The following MALT1 variants were observed in gnomAD, a reference collection of about 807,000 sequenced individuals.
MALT1 encodes the protein MALT1 paracaspase, also known as mucosa-associated lymphoid tissue lymphoma translocation protein 1.
In MALT1, 36 loss-of-function variants were observed where a neutral mutation model predicts 85.5. The ratio of observed to expected loss-of-function variants is 0.42; its 90% CI spans 0.32 to 0.56. MALT1 has a LOEUF of 0.56. Ranked by LOEUF, MALT1 falls within the 20% of genes least tolerant of loss-of-function variation. The pLI is 0.10. For synonymous variants in MALT1, 359 were observed against 361.3 expected (o/e 0.99, Z 0.07); for missense variants, 716 against 981.6 (o/e 0.73, Z 3.62).
intron 3 of MALT1, chr18:58,697,306 T>A (rs1007009193): frequency 1.3e-5 from 2 of 152,238 alleles, no homozygotes; most frequent in African/African-American, 4.8e-5. Context: ...TTTCCTTTAA[T>A]TGGATTGCCT....
Position 58,748,217 on chromosome 18 carries a change from A to ACCTAATTTTATCCATGGAAG in MALT1, c.*376_*395dup, listed in dbSNP as rs2055398554. ...AGAACCTTGCCGATCACCAGGCATA[A>ACCTAATTTTATCCATGGAAG]CCTAATTTTATCCATGGAAGAAACA... On this transcript the variant is annotated 3_prime_UTR_variant, in exon 17 of 17. Coordinates refer to ENST00000649217, the MANE Select transcript of MALT1 (RefSeq NM_006785.4). The ACCTAATTTTATCCATGGAAG allele has an allele frequency of 3.9e-6, 1 of 255,836 alleles. No individual in the cohort carries two copies. The highest frequency in any genetic ancestry group is 7.6e-6 in the Non-Finnish European group (1 of 132,320). The allele number at this position is 255,836 out of a possible 1,614,324, so 15.8% of individuals were successfully genotyped here.
chr18:58,698,565 G>A (rs2144357184), intron 3 of MALT1, among the ~76,000 whole-genome samples: 1 of 152,274 alleles, frequency 6.6e-6, no homozygotes, highest in Middle Eastern at 3.4e-3. Context: ...TGGGGAGAAG[G>A]AAGAGAAATC....
At chr18:58,692,327 C>T (rs965781508) in intron 2 of MALT1, among the ~76,000 whole-genome samples, 7 of 152,204 alleles carry the variant, frequency 4.6e-5, no homozygotes, top group Middle Eastern at 3.4e-3. Flanking sequence ...TTTGGGGTGC[C>T]ACAAATTATG....
intron 6 of MALT1, 148 bp from the exon 7 acceptor site, chr18:58,710,773 A>G (rs1215113794): frequency 7.0e-6 from 4 of 570,176 alleles, no homozygotes; most frequent in Admixed American, 7.8e-5. Flanking sequence ...TAATATATTT[A>G]TAGTTATATT....
chr18:58,698,160 C>T (rs565702048), intron 3 of MALT1, among the ~76,000 whole-genome samples: 3 of 151,250 alleles, frequency 2.0e-5, no homozygotes, highest in African/African-American at 4.9e-5. Context: ...TCCACCTCCC[C>T]GGTTCAAACG....
Position 58,708,929 on chromosome 18 carries a change from T to G in MALT1, c.650-449T>G, listed in dbSNP as rs115314300. Reference sequence around the variant, plus strand: ...AATGTTAGTGATAACTCACCAATATTTATTCAGTGCGGGTTACAAAACTTA... The same window carrying G: ...AATGTTAGTGATAACTCACCAATATGTATTCAGTGCGGGTTACAAAACTTA... On this transcript the variant is annotated intron_variant, in intron 4 of 16. Transcript: ENST00000649217. Among the ~76,000 whole-genome samples, 1,392 of 152,306 alleles carry G rather than the reference T, an allele frequency of 9.1e-3. 21 individuals are homozygous for G. Among genetic ancestry groups the G allele is most frequent in the African/African-American group, 0.031 (1,283 of 41,558 alleles).
chr18:58,710,221 A>C, intron 6 of MALT1, 149 bp downstream of exon 6: 2 of 423,650 alleles, frequency 4.7e-6, no homozygotes, highest in Non-Finnish European at 8.3e-6. Context: ...GTTTATATTG[A>C]AATTTGAAAG....
intron 9 of MALT1, 123 bp downstream of exon 9, chr18:58,716,090 A>AT (rs112443447): frequency 2.2e-5 from 15 of 692,078 alleles, no homozygotes; most frequent in African/African-American, 5.5e-5. Context: ...CAAATGTTTT[A>AT]TTTTTTTGTA....
intron 10 of MALT1, among the ~76,000 whole-genome samples, chr18:58,732,251 A>T (rs548266140): frequency 3.9e-5 from 6 of 152,244 alleles, no homozygotes; most frequent in Non-Finnish European, 8.8e-5. Flanking sequence ...ATATCTTCAA[A>T]AGTGTTTTGT....
chr18:58,747,329 G>A (rs2055382295), intron 16 of MALT1, 76 bp from the exon 17 acceptor site: 2 of 919,414 alleles, frequency 2.2e-6, no homozygotes, highest in African/African-American at 1.6e-5. Flanking sequence ...GTGGGGGTGT[G>A]TATGTGTGAA....
chr18:58,710,793 T>A (rs2054820962), intron 6 of MALT1, 128 bp from the exon 7 acceptor site: 1 of 628,204 alleles, frequency 1.6e-6, no homozygotes, highest in Non-Finnish European at 2.8e-6. Flanking sequence ...TGTTCATAGT[T>A]GGAGGTATTG....
At chr18:58,695,971 A>G (rs1324151847) in intron 2 of MALT1, among the ~76,000 whole-genome samples, 1 of 152,236 alleles carries the variant, frequency 6.6e-6, no homozygotes, top group Non-Finnish European at 1.5e-5. Context: ...ATTTATGACC[A>G]AACATTTCCA....
At chr18:58,737,780 G>T (rs1232534676) in intron 13 of MALT1, among the ~76,000 whole-genome samples, 1 of 151,896 alleles carries the variant, frequency 6.6e-6, no homozygotes, top group South Asian at 2.1e-4. Flanking sequence ...ATAGGGTTTC[G>T]CCATGTTGGC....
chr18:58,712,860 G>A (rs8099417), intron 7 of MALT1, among the ~76,000 whole-genome samples: 17,981 of 152,084 alleles, frequency 0.12, 1,627 homozygotes, highest in African/African-American at 0.26. Context: ...GGGTTGAATA[G>A]GTGGATTTTT....
intron 3 of MALT1, among the ~76,000 whole-genome samples, chr18:58,698,692 G>A (rs977361817): frequency 1.3e-5 from 2 of 152,224 alleles, no homozygotes; most frequent in Non-Finnish European, 2.9e-5. Flanking sequence ...GCTTATTTGT[G>A]TGCATGCAAG....
chr18:58,744,970 GT>G (rs2055347824), intron 15 of MALT1, among the ~76,000 whole-genome samples: 1 of 151,708 alleles, frequency 6.6e-6, no homozygotes, highest in African/African-American at 2.4e-5. Flanking sequence ...TCCTACATGA[GT>G]GTGACAAACT....
At chr18:58,679,388 T>A (rs947674019) in intron 1 of MALT1, among the ~76,000 whole-genome samples, 30 of 152,268 alleles carry the variant, frequency 2.0e-4, no homozygotes, top group African/African-American at 7.2e-4. Flanking sequence ...AGCTCTGCAG[T>A]TGTATCAGGA....
chr18:58,718,783 G>A (rs2144410869), intron 9 of MALT1, among the ~76,000 whole-genome samples: 1 of 152,324 alleles, frequency 6.6e-6, no homozygotes, highest in African/African-American at 2.4e-5. Context: ...TCTAGAAATT[G>A]TTCATAGAAG....
chr18:58,746,092 A>C (rs1234466792), intron 16 of MALT1, among the ~76,000 whole-genome samples: 2 of 152,274 alleles, frequency 1.3e-5, no homozygotes, highest in African/African-American at 4.8e-5. Context: ...AACATGACCT[A>C]CTATAACCTC....
Sources: gnomAD v4.1 joint callset for allele counts (sites outside exome capture counted in the v4.1 genomes callset) on GRCh38, gnomAD v4.1.1 for gene constraint, MANE v1.5 for transcripts, NCBI Gene and HGNC (gene_info 2026-07-23, HGNC 2026-07-21) for gene names.